MAP3K20: variants seen among roughly 807,000 people sequenced by gnomAD.
The protein encoded by MAP3K20 is mitogen-activated protein kinase kinase kinase 20, also known as HCCS-4.
MAP3K20 carries 40 observed loss-of-function variants against 85.7 expected under a neutral mutation model. That is an observed-to-expected ratio of 0.47 (90% confidence interval 0.36 to 0.61). The LOEUF is 0.61. MAP3K20 is among the 20% of genes least tolerant of loss of function. The pLI is 0.00. For missense variants in MAP3K20, 817 were observed against 961.7 expected (o/e 0.85, Z 1.99); for synonymous variants, 325 against 327.7 (o/e 0.99, Z 0.09).
intron 3 of MAP3K20, among the ~76,000 whole-genome samples, chr2:173,182,625 T>A (rs1574085631): frequency 1.3e-5 from 2 of 152,368 alleles, no homozygotes; most frequent in East Asian, 3.9e-4. Flanking sequence ...TAAATGGCTT[T>A]TGATTCTCAA....
chr2:173,136,549 C>G (rs1688805576), intron 2 of MAP3K20, among the ~76,000 whole-genome samples: 1 of 152,140 alleles, frequency 6.6e-6, no homozygotes, highest in African/African-American at 2.4e-5. Flanking sequence ...AAATGACAAT[C>G]TTTTGAATAG....
At chr2:173,165,565 C>T (rs1368778474) in intron 2 of MAP3K20, among the ~76,000 whole-genome samples, 1 of 152,226 alleles carries the variant, frequency 6.6e-6, no homozygotes, top group Non-Finnish European at 1.5e-5. Context: ...ACTCTGATCA[C>T]TCATCTCTGC....
chr2:173,224,544 G>T (rs1684334616), intron 11 of MAP3K20: 1 of 985,112 alleles, frequency 1.0e-6, no homozygotes, highest in Admixed American at 6.1e-5. Flanking sequence ...TTCCTCACCA[G>T]TATTCCAGAG....
At chr2:173,264,836 C>T (rs949065273) in intron 19 of MAP3K20, among the ~76,000 whole-genome samples, 8 of 151,684 alleles carry the variant, frequency 5.3e-5, no homozygotes, top group South Asian at 2.1e-4. Flanking sequence ...TAACAAGTGG[C>T]GGTCAGGGGG....
chr2:173,246,437 C>T (rs976806196), intron 16 of MAP3K20, among the ~76,000 whole-genome samples: 6 of 152,144 alleles, frequency 3.9e-5, no homozygotes, highest in African/African-American at 9.7e-5. Flanking sequence ...CGACTTCATG[C>T]GCTCCCCAGG....
intron 3 of MAP3K20, among the ~76,000 whole-genome samples, chr2:173,171,836 A>T (rs1297382541): frequency 6.6e-6 from 1 of 152,244 alleles, no homozygotes; most frequent in Non-Finnish European, 1.5e-5. Flanking sequence ...AAGAATTAAA[A>T]CAACACAAGT....
intron 2 of MAP3K20, among the ~76,000 whole-genome samples, chr2:173,127,187 G>A (rs1188458117): frequency 1.3e-5 from 2 of 152,182 alleles, no homozygotes; most frequent in African/African-American, 4.8e-5. Context: ...AGAATGAAAA[G>A]ATGGATGTGT....
intron 3 of MAP3K20, among the ~76,000 whole-genome samples, chr2:173,178,244 A>G (rs187270393): frequency 1.8e-4 from 27 of 152,368 alleles, no homozygotes; most frequent in African/African-American, 6.0e-4. Flanking sequence ...AAGAAATGTT[A>G]TGACAGTCTT....
intron 11 of MAP3K20, chr2:173,225,689 A>T: frequency 1.0e-6 from 1 of 985,190 alleles, no homozygotes. Flanking sequence ...TTTCGTCTCT[A>T]ATTATTTTTC....
intron 16 of MAP3K20, among the ~76,000 whole-genome samples, chr2:173,247,070 A>G (rs750695145): frequency 5.9e-5 from 9 of 151,904 alleles, no homozygotes; most frequent in Non-Finnish European, 1.0e-4. Context: ...TGCCCAGCCA[A>G]CTCCCTCTCC....
intron 4 of MAP3K20, among the ~76,000 whole-genome samples, chr2:173,187,306 T>C (rs1690516201): frequency 6.6e-6 from 1 of 152,212 alleles, no homozygotes; most frequent in Non-Finnish European, 1.5e-5. Context: ...TAAGGTGTCC[T>C]TATTAGGTAT....
chr2:173,140,231 C>CA (rs1688929848), intron 2 of MAP3K20, among the ~76,000 whole-genome samples: 1 of 152,124 alleles, frequency 6.6e-6, no homozygotes, highest in African/African-American at 2.4e-5. Flanking sequence ...AGGCTGGTCT[C>CA]AAACTCATGA....
At chr2:173,103,994 A>G (rs1363776651) in intron 2 of MAP3K20, among the ~76,000 whole-genome samples, 1 of 152,244 alleles carries the variant, frequency 6.6e-6, no homozygotes, top group East Asian at 1.9e-4. Context: ...AATAAAAGAT[A>G]CAAGGATTCA....
intron 5 of MAP3K20, among the ~76,000 whole-genome samples, chr2:173,189,254 A>C (rs74265845): frequency 0.022 from 3,287 of 152,320 alleles, 61 homozygotes; most frequent in South Asian, 0.046. Flanking sequence ...TTCTATTTGT[A>C]AAAGTTTGTA....
intron 11 of MAP3K20, among the ~76,000 whole-genome samples, chr2:173,220,694 T>C (rs922103229): frequency 6.6e-6 from 1 of 152,228 alleles, no homozygotes; most frequent in African/African-American, 2.4e-5. Flanking sequence ...CTGTTTTTTG[T>C]GCTTCCTCTA....
chr2:173,224,306 T>G lies in MAP3K20; in HGVS notation c.988-5383T>G, dbSNP rs886159806. 4.1e-6 allele frequency: 4 copies of G among 985,424 alleles called. No homozygotes were observed. In the African/African-American group the frequency reaches 7.0e-5, roughly 17 times the overall value. The allele number at this position is 985,424 out of a possible 1,614,324, so 61.0% of individuals were successfully genotyped here. On this transcript the variant is annotated intron_variant, in intron 11 of 19. Coordinates refer to ENST00000375213, the MANE Select transcript of MAP3K20 (RefSeq NM_016653.3). ...TGCACTTTATGTAAGAATGTAAACC[T>G]GGAGTCTCATTTAAGAATGATCAGC...
intron 2 of MAP3K20, among the ~76,000 whole-genome samples, chr2:173,113,680 T>G (rs1323912770): frequency 6.6e-6 from 1 of 152,204 alleles, no homozygotes; most frequent in Non-Finnish European, 1.5e-5. Context: ...CTTATTTAAT[T>G]TCCATGTATT....
intron 15 of MAP3K20, 139 bp from the exon 16 acceptor site, chr2:173,239,265 T>G (rs1684724447): frequency 1.1e-5 from 7 of 644,730 alleles, no homozygotes. Flanking sequence ...TAATTAGAAT[T>G]TGTAGCTTAA....
At chr2:173,167,495 T>C (rs1689868527) in intron 2 of MAP3K20, among the ~76,000 whole-genome samples, 1 of 152,186 alleles carries the variant, frequency 6.6e-6, no homozygotes, top group Non-Finnish European at 1.5e-5. Flanking sequence ...TAACATGTTG[T>C]TTTTATTATG....
Sources: gnomAD v4.1 joint callset for allele counts (sites outside exome capture counted in the v4.1 genomes callset) on GRCh38, gnomAD v4.1.1 for gene constraint, MANE v1.5 for transcripts, NCBI Gene and HGNC (gene_info 2026-07-23, HGNC 2026-07-21) for gene names.